The following RAB36 variants were observed in gnomAD, a reference collection of about 807,000 sequenced individuals.
The protein encoded by RAB36 is ras-related protein Rab-36.
A neutral mutation model predicts 39.3 loss-of-function variants in RAB36; 33 were observed. That is an observed-to-expected ratio of 0.84 (90% CI 0.64 to 1.12). The LOEUF is 1.12. RAB36 is among the 50% of genes most tolerant of loss of function. The pLI is 0.00. For missense variants in RAB36, 308 were observed against 355.3 expected (o/e 0.87, Z 1.07); for synonymous variants, 133 against 140.2 (o/e 0.95, Z 0.36).
intron 5 of RAB36, among the ~76,000 whole-genome samples, chr22:23,154,818 G>T (rs547039213): frequency 4.6e-5 from 7 of 152,266 alleles, no homozygotes; most frequent in Admixed American, 3.9e-4. Context: ...TGTCATACTG[G>T]ATCACTTGAA....
chr22:23,148,687 C>T (rs971790857), intron 2 of RAB36, among the ~76,000 whole-genome samples: 5 of 152,208 alleles, frequency 3.3e-5, no homozygotes, highest in African/African-American at 1.2e-4. Flanking sequence ...CAGGCAAGTC[C>T]TTCCCTTTAT....
rs530634240 is a variant in RAB36, at chr22:23,157,960, T to C, written c.395-32T>C. ...CCCCCTTGCTCGCCTCGCCTGGCACTGATTGGCTGTTGGCTTTTTCCGGGT... is the reference window on the plus strand; with the variant it reads ...CCCCCTTGCTCGCCTCGCCTGGCACCGATTGGCTGTTGGCTTTTTCCGGGT... On this transcript the variant is annotated intron_variant, in intron 6 of 10. Coordinates refer to ENST00000263116, the MANE Select transcript of RAB36 (RefSeq NM_004914.5). The C allele has an allele frequency of 1.7e-5, 27 of 1,614,032 alleles. No homozygotes were observed. The South Asian group carries it at 2.4e-4, about 14-fold the overall frequency.
intron 3 of RAB36, 44 bp from the exon 4 acceptor site, chr22:23,152,406 TCTGAAGACACC>T: frequency 6.3e-7 from 1 of 1,583,490 alleles, no homozygotes; most frequent in Non-Finnish European, 8.7e-7. Flanking sequence ...GCTGTGAGTG[TCTGAAGACACC>T]CTGGAAGGCA....
chr22:23,165,380 T>C lies in RAB36; in HGVS notation c.*3816T>C, dbSNP rs1358685985. Among the ~76,000 whole-genome samples, 2 of 152,180 alleles carry C rather than the reference T, an allele frequency of 1.3e-5. No individual in the cohort carries two copies. The highest frequency in any genetic ancestry group is 2.4e-5 in the African/African-American group (1 of 41,430). On this transcript the variant is annotated 3_prime_UTR_variant, in exon 11 of 11. Transcript: ENST00000263116. ...ATCCCTCACTTGCAAACCCCAGTCC[T>C]GTCTGACCCAGAGACCCTCACAGGG...
rs1250162368 is a variant in RAB36 at position 23,159,260 on chromosome 22, G to T, written c.619+7G>T. 16 of 1,578,196 alleles carry T rather than the reference G, an allele frequency of 1.0e-5. No homozygotes were observed. The Admixed American group carries it at 2.9e-4, about 29-fold the overall frequency. ...TCAGTGTCGGCCAAGACTGGTGAGT[G>T]GGCCAGGGCTGTCACCATGGTGGGG... is the stretch of plus-strand genomic sequence containing the variant. On this transcript the variant is annotated splice_region_variant and intron_variant, in intron 9 of 10. Transcript: ENST00000263116.
chr22:23,161,024 G>A (rs749944211), intron 10 of RAB36, 26 bp downstream of exon 10: 4 of 1,577,544 alleles, frequency 2.5e-6, no homozygotes, highest in Non-Finnish European at 3.5e-6. Context: ...ACTGGGTTGG[G>A]CTGGGGAGTA....
rs757813417 is a variant in RAB36 at position 23,153,013 on chromosome 22, G to A, written c.228-20G>A. 36 of 1,583,094 alleles carry A rather than the reference G, an allele frequency of 2.3e-5. No homozygotes were observed. The highest frequency in any genetic ancestry group is 2.9e-5 in the Non-Finnish European group (33 of 1,152,174). On this transcript the variant is annotated intron_variant, in intron 4 of 10. Transcript: ENST00000263116. ...ATTTCTGTGAGTACACCCCTGTGACGACTTCCTCATCCCCCACAGGTTTTG... is the reference window on the plus strand; with the variant it reads ...ATTTCTGTGAGTACACCCCTGTGACAACTTCCTCATCCCCCACAGGTTTTG...
At chr22:23,168,796 C>T (rs142807099), downstream of RAB36, among the ~76,000 whole-genome samples, 79 of 152,318 alleles carry the variant, frequency 5.2e-4, no homozygotes, top group African/African-American at 1.8e-3. Flanking sequence ...CATGGGACTC[C>T]TGTCCCTGGG....
At chr22:23,149,901 T>C (rs866439642) in intron 2 of RAB36, among the ~76,000 whole-genome samples, 162 bp from the exon 3 acceptor site, 27 of 152,170 alleles carry the variant, frequency 1.8e-4, no homozygotes, top group African/African-American at 5.8e-4. Context: ...GCTGAGGAAA[T>C]AGAAGATACA....
chr22:23,148,793 A>G (rs1219955786), intron 2 of RAB36, among the ~76,000 whole-genome samples: 1 of 152,210 alleles, frequency 6.6e-6, no homozygotes, highest in African/African-American at 2.4e-5. Context: ...TGTAATGACC[A>G]TTGTGTCTGA....
At chr22:23,161,370 C>A in intron 10 of RAB36, 130 bp from the exon 11 acceptor site, 1 of 866,810 alleles carries the variant, frequency 1.2e-6, no homozygotes, top group South Asian at 1.5e-5. Context: ...TTGTGTCAGG[C>A]CATTCAGGCC....
intron 3 of RAB36, among the ~76,000 whole-genome samples, chr22:23,150,816 C>G (rs981556587): frequency 1.3e-5 from 2 of 152,158 alleles, no homozygotes; most frequent in African/African-American, 4.8e-5. Context: ...TCTGACCCCC[C>G]ACTACCCTTG....
At chr22:23,147,256 A>G (rs796354887) in intron 2 of RAB36, among the ~76,000 whole-genome samples, 20 of 152,134 alleles carry the variant, frequency 1.3e-4, no homozygotes, top group African/African-American at 4.8e-4. Flanking sequence ...ATTGAGTACA[A>G]CCTCCATAGG....
At chr22:23,152,327 G>C in intron 3 of RAB36, 134 bp from the exon 4 acceptor site, 1 of 845,366 alleles carries the variant, frequency 1.2e-6, no homozygotes, top group South Asian at 1.5e-5. Context: ...CAGTGTCTCA[G>C]CAGGGTGGCC....
chr22:23,145,402 G>C, upstream of RAB36: 1 of 1,609,458 alleles, frequency 6.2e-7, no homozygotes, highest in African/African-American at 1.3e-5. Flanking sequence ...GCTTGGACGC[G>C]CCGCTGCCAG....
In RAB36 at chr22:23,161,698, C is replaced by A; in HGVS notation, c.*134C>A. 1.3e-6 allele frequency: 1 copy of A among 741,018 alleles called. No individual in the cohort carries two copies. The highest frequency in any genetic ancestry group is 2.2e-6 in the Non-Finnish European group (1 of 463,360). The allele number at this position is 741,018 out of a possible 1,614,324, so 45.9% of individuals were successfully genotyped here. ...CTGTAGGCCCATGTTCCAGTCCCTC[C>A]ACCCACCCACCGGGCTCAGCTCCAG... On this transcript the variant is annotated 3_prime_UTR_variant, in exon 11 of 11. Coordinates refer to ENST00000263116, the MANE Select transcript of RAB36 (RefSeq NM_004914.5).
intron 9 of RAB36, among the ~76,000 whole-genome samples, 169 bp downstream of exon 9, chr22:23,159,422 C>A (rs1045703597): frequency 1.3e-5 from 2 of 152,234 alleles, no homozygotes; most frequent in African/African-American, 4.8e-5. Flanking sequence ...GCAGCACTTT[C>A]ATTGCCTAAG....
rs185237747 is a variant in RAB36, at chr22:23,151,498, G to T, written c.162-963G>T. On this transcript the variant is annotated intron_variant, in intron 3 of 10. Transcript: ENST00000263116. ...AGTGGTGCCCTCTTGCTGTCTGCAG[G>T]CAGAGGAAGTGCCTGTCAGATATTT... 3.2e-3 allele frequency among the ~76,000 whole-genome samples: 487 copies of T among 152,320 alleles called. 4 individuals are homozygous for T. The highest frequency in any genetic ancestry group is 0.011 in the African/African-American group (459 of 41,572).
intron 5 of RAB36, 29 bp downstream of exon 5, chr22:23,153,163 G>C (rs754611884): frequency 1.9e-6 from 3 of 1,559,088 alleles, no homozygotes; most frequent in Non-Finnish European, 2.7e-6. Context: ...CATGGCTCGT[G>C]GGCAGCTTCC....
Sources: gnomAD v4.1 joint callset for allele counts (sites outside exome capture counted in the v4.1 genomes callset) on GRCh38, gnomAD v4.1.1 for gene constraint, MANE v1.5 for transcripts, NCBI Gene and HGNC (gene_info 2026-07-23, HGNC 2026-07-21) for gene names.